The following ATL1 variants were observed in gnomAD, a reference collection of about 807,000 sequenced individuals.
ATL1 encodes the protein atlastin-1.
ATL1 carries 31 observed loss-of-function variants against 75.5 expected under a neutral mutation model. That is an observed-to-expected ratio of 0.41 (90% CI 0.31 to 0.55). The LOEUF (loss-of-function observed/expected upper bound fraction) is 0.55, where lower values mean the gene tolerates loss of function less well. ATL1 is among the 20% of genes least tolerant of loss of function. The pLI, the probability that ATL1 is intolerant of heterozygous loss-of-function variation, is 0.27. For missense variants in ATL1, 405 were observed against 662.6 expected (o/e 0.61, Z 4.27); for synonymous variants, 226 against 233.3 (o/e 0.97, Z 0.28).
At chr14:50,627,924 GATT>G in intron 11 of ATL1, 104 bp from the exon 12 acceptor site, 1 of 1,047,264 alleles carries the variant, frequency 9.5e-7, no homozygotes, top group Non-Finnish European at 1.4e-6. Flanking sequence ...GCAGGCTCCT[GATT>G]ATTAACGTAT....
intron 1 of ATL1, among the ~76,000 whole-genome samples, chr14:50,571,607 T>TTTGTTAATACGTTTAATTAA (rs1458018047): frequency 4.6e-5 from 7 of 152,328 alleles, no homozygotes; most frequent in Admixed American, 2.0e-4. Flanking sequence ...TCTTTTCTAG[T>TTTGTTAATACGTTTAATTAA]TTGTTAATAC....
intron 1 of ATL1, among the ~76,000 whole-genome samples, chr14:50,546,902 T>G (rs532914937): frequency 6.6e-6 from 1 of 152,298 alleles, no homozygotes; most frequent in South Asian, 2.1e-4. Flanking sequence ...GTTTGTTACA[T>G]AGGCATACAC....
chr14:50,613,378 A>T, intron 7 of ATL1, 27 bp downstream of exon 7: 5 of 1,525,264 alleles, frequency 3.3e-6, no homozygotes, highest in Non-Finnish European at 4.5e-6. Flanking sequence ...GGTGCATGAA[A>T]TTTCACTAAT....
chr14:50,623,090 C>T, intron 10 of ATL1, 87 bp from the exon 11 acceptor site: 2 of 1,067,836 alleles, frequency 1.9e-6, no homozygotes, highest in Non-Finnish European at 2.9e-6. Flanking sequence ...ACATTTCTTG[C>T]ACATGATGCT....
chr14:50,585,320 T>C (rs2039091613), intron 1 of ATL1, among the ~76,000 whole-genome samples: 1 of 152,234 alleles, frequency 6.6e-6, no homozygotes, highest in Admixed American at 6.5e-5. Flanking sequence ...TGTAGTTTGT[T>C]GCAAACAATT....
intron 1 of ATL1, among the ~76,000 whole-genome samples, chr14:50,568,302 A>G (rs2038923295): frequency 1.3e-5 from 2 of 152,160 alleles, no homozygotes; most frequent in African/African-American, 2.4e-5. Context: ...AGGCTGAGGC[A>G]GGAGGATCCC....
intron 11 of ATL1, among the ~76,000 whole-genome samples, chr14:50,624,029 T>C (rs954852870): frequency 1.3e-5 from 2 of 152,220 alleles, no homozygotes; most frequent in African/African-American, 4.8e-5. Flanking sequence ...CACTCCAGCC[T>C]GGGCAACAGA....
intron 2 of ATL1, among the ~76,000 whole-genome samples, 166 bp downstream of exon 2, chr14:50,588,244 A>G (rs1038392284): frequency 5.3e-5 from 8 of 152,150 alleles, no homozygotes; most frequent in African/African-American, 1.9e-4. Flanking sequence ...TGCTTTGGGG[A>G]CCAAACTACA....
chr14:50,625,949 C>T (rs1471616835), intron 11 of ATL1, among the ~76,000 whole-genome samples: 6 of 151,744 alleles, frequency 4.0e-5, no homozygotes, highest in South Asian at 2.1e-4. Flanking sequence ...CTCGTTTGTG[C>T]GCTATTAATG....
intron 1 of ATL1, among the ~76,000 whole-genome samples, chr14:50,535,672 G>A (rs2038482653): frequency 6.6e-6 from 1 of 152,154 alleles, no homozygotes; most frequent in Non-Finnish European, 1.5e-5. Context: ...TGTTCTGGAT[G>A]GCAATAGAAC....
intron 4 of ATL1, chr14:50,591,934 T>C (rs985255272): frequency 1.5e-5 from 5 of 333,020 alleles, no homozygotes; most frequent in African/African-American, 8.5e-5. Context: ...GTAACATAAA[T>C]CTTATATGCG....
chr14:50,545,155 G>A (rs952229052), intron 1 of ATL1, among the ~76,000 whole-genome samples: 9 of 152,108 alleles, frequency 5.9e-5, no homozygotes, highest in African/African-American at 2.2e-4. Flanking sequence ...CTCAAACACA[G>A]TAGGCAAAGA....
At chr14:50,558,618 TG>T (rs2038794010), upstream of ATL1, among the ~76,000 whole-genome samples, 1 of 152,220 alleles carries the variant, frequency 6.6e-6, no homozygotes, top group Non-Finnish European at 1.5e-5. Context: ...CTTTTTCAAT[TG>T]GGCATAGGTG....
intron 6 of ATL1, among the ~76,000 whole-genome samples, chr14:50,600,785 AT>A (rs894043705): frequency 2.0e-4 from 31 of 152,218 alleles, no homozygotes; most frequent in African/African-American, 7.2e-4. Flanking sequence ...GGATAATGAA[AT>A]TTTAAAAATA....
chr14:50,557,322 T>G (rs2038776632), upstream of ATL1, among the ~76,000 whole-genome samples: 1 of 152,250 alleles, frequency 6.6e-6, no homozygotes, highest in Non-Finnish European at 1.5e-5. Flanking sequence ...ATTTCTACCC[T>G]ATTCCCACCC....
At chr14:50,585,311 G>A (rs545702591) in intron 1 of ATL1, among the ~76,000 whole-genome samples, 5 of 152,300 alleles carry the variant, frequency 3.3e-5, no homozygotes, top group Admixed American at 2.6e-4. Flanking sequence ...TTGCATATGT[G>A]TAGTTTGTTG....
At chr14:50,557,163 T>G (rs1239779764), upstream of ATL1, among the ~76,000 whole-genome samples, 1 of 152,244 alleles carries the variant, frequency 6.6e-6, no homozygotes, top group Non-Finnish European at 1.5e-5. Context: ...ATTATCTTTT[T>G]GATTATAGTC....
intron 8 of ATL1, 51 bp from the exon 9 acceptor site, chr14:50,620,548 G>C: frequency 1.3e-6 from 2 of 1,580,562 alleles, no homozygotes; most frequent in African/African-American, 2.7e-5. Flanking sequence ...CTGTGGCATG[G>C]AGGACTGGGA....
chr14:50,585,795 G>A (rs75310024), intron 1 of ATL1, among the ~76,000 whole-genome samples: 5,689 of 152,190 alleles, frequency 0.037, 102 homozygotes, highest in Middle Eastern at 0.058. Flanking sequence ...TCTGACTCCA[G>A]CACCTGTGAA....
Sources: gnomAD v4.1 joint callset for allele counts (sites outside exome capture counted in the v4.1 genomes callset) on GRCh38, gnomAD v4.1.1 for gene constraint, MANE v1.5 for transcripts, NCBI Gene and HGNC (gene_info 2026-07-23, HGNC 2026-07-21) for gene names.